SCEL: variants seen among roughly 807,000 people sequenced by gnomAD.
SCEL encodes sciellin.
Under a neutral mutation model 117.6 loss-of-function variants are expected in SCEL, and 113 were observed. That is an observed-to-expected ratio of 0.96 (90% CI 0.83 to 1.12). The LOEUF (loss-of-function observed/expected upper bound fraction) is 1.12. Among genes scored for constraint, SCEL ranks in the 50% most tolerant of loss-of-function variants. The pLI, the probability that SCEL is intolerant of heterozygous loss-of-function variation, is 0.00. For synonymous variants in SCEL, 270 were observed against 256.2 expected, an observed-to-expected ratio of 1.05 and a Z score of -0.51; for missense variants, 785 against 810.8, an observed-to-expected ratio of 0.97 and a Z score of 0.39.
chr13:77,643,630 A>T (rs1184344186), intron 32 of SCEL, among the ~76,000 whole-genome samples: 1 of 152,112 alleles, frequency 6.6e-6, no homozygotes, highest in Non-Finnish European at 1.5e-5. Flanking sequence ...TGGGACCCCT[A>T]CCTGGGATCC....
intron 2 of SCEL, 26 bp from the exon 3 acceptor site, chr13:77,556,570 C>T (rs772735226): frequency 1.5e-5 from 23 of 1,582,484 alleles, no homozygotes; most frequent in Middle Eastern, 3.3e-4. Flanking sequence ...ATTACATCTT[C>T]CAGTCTTTCA....
intron 30 of SCEL, among the ~76,000 whole-genome samples, chr13:77,638,487 A>G (rs1057444517): frequency 2.0e-5 from 3 of 152,210 alleles, no homozygotes; most frequent in Non-Finnish European, 2.9e-5. Flanking sequence ...TTGTATTTCT[A>G]TTATTAAGGG....
At chr13:77,638,070 G>A (rs1372251294) in intron 30 of SCEL, among the ~76,000 whole-genome samples, 2 of 152,194 alleles carry the variant, frequency 1.3e-5, no homozygotes, top group Non-Finnish European at 2.9e-5. Context: ...AGCAGGGGCT[G>A]GAGATATGAC....
At chr13:77,604,436 C>G in intron 19 of SCEL, 21 bp downstream of exon 19, 1 of 1,553,190 alleles carries the variant, frequency 6.4e-7, no homozygotes, top group Non-Finnish European at 8.7e-7. Flanking sequence ...TAAAGCTCCC[C>G]CCTCCCCTTT....
intron 30 of SCEL, among the ~76,000 whole-genome samples, chr13:77,637,628 C>A (rs1419269646): frequency 6.6e-6 from 1 of 152,088 alleles, no homozygotes; most frequent in African/African-American, 2.4e-5. Context: ...GCCTCCCAGG[C>A]CAGCCCCTCT....
chr13:77,640,623 A>C, intron 30 of SCEL, 53 bp from the exon 31 acceptor site: 2 of 851,466 alleles, frequency 2.3e-6, no homozygotes, highest in Non-Finnish European at 3.7e-6. Context: ...TAGGGAATAC[A>C]TCTGTCTTCT....
At chr13:77,578,745 T>C (rs2086099806) in intron 9 of SCEL, among the ~76,000 whole-genome samples, 1 of 152,116 alleles carries the variant, frequency 6.6e-6, no homozygotes, top group Non-Finnish European at 1.5e-5. Flanking sequence ...GAGTACCTAA[T>C]TGGTCTTAAG....
chr13:77,572,314 G>T lies in SCEL; in HGVS notation c.545+125G>T, dbSNP rs117215037. ...GGCAATCTCATGAACTCTCAGCTCT[G>T]TACAGGAGAGTGTCCAGTGGTTGTA... On this transcript the variant is annotated intron_variant, in intron 9 of 32. Coordinates refer to ENST00000349847, the MANE Select transcript of SCEL (RefSeq NM_144777.3). The T allele has an allele frequency of 5.2e-4, 369 of 708,844 alleles. 4 individuals carry two copies. The East Asian group carries it at 0.01, about 19-fold the overall frequency. The allele number at this position is 708,844 out of a possible 1,614,324, so 43.9% of individuals were successfully genotyped here.
chr13:77,642,806 T>C lies in SCEL; in HGVS notation c.2048T>C (p.Met683Thr), dbSNP rs1185527864. 1.9e-6 allele frequency: 3 copies of C among 1,556,742 alleles called. No homozygotes were observed. Among genetic ancestry groups the C allele is most frequent in the Middle Eastern group, 1.7e-4 (1 of 5,922 alleles). Reference protein sequence around the residue: ...IHCEPCYSKIMAKWIP With the variant: ...IHCEPCYSKITAKWIP ...TGTGAACCTTGCTACTCTAAAATTA[T>C]GGGTAAGTGTTACACTCTAAGCATT... Residue 683 changes from methionine to threonine, a missense_variant and splice_region_variant, in exon 32 of 33, where the codon ATG becomes ACG. Transcript: ENST00000349847.
Position 77,637,229 on chromosome 13 carries a change from C to T in SCEL, c.1838+35C>T, listed in dbSNP as rs1219292962. On this transcript the variant is annotated intron_variant, in intron 30 of 32. Transcript: ENST00000349847. ...TCTTTATTTCCATACATAAAAAGTA[C>T]ACACATACAGACACACACACACATA... 4 of 1,061,498 alleles carry T rather than the reference C, an allele frequency of 3.8e-6. 1 individual carries two copies. Among genetic ancestry groups the T allele is most frequent in the South Asian group, 2.9e-5 (2 of 67,804 alleles). The allele number at this position is 1,061,498 out of a possible 1,614,324, so 65.8% of individuals were successfully genotyped here.
At chr13:77,607,649 A>T (rs1368688702) in intron 19 of SCEL, among the ~76,000 whole-genome samples, 1 of 152,246 alleles carries the variant, frequency 6.6e-6, no homozygotes, top group Non-Finnish European at 1.5e-5. Context: ...AGCTGGTTTT[A>T]AAGTTCTACA....
chr13:77,589,471 G>A (rs1426202080), intron 10 of SCEL, among the ~76,000 whole-genome samples: 1 of 152,116 alleles, frequency 6.6e-6, no homozygotes, highest in Non-Finnish European at 1.5e-5. Flanking sequence ...CAATATTCAT[G>A]TTCAGAAAGT....
intron 11 of SCEL, among the ~76,000 whole-genome samples, chr13:77,593,295 T>TGTGTGCGCGC (rs796907419): frequency 0.024 from 3,292 of 136,814 alleles, 142 homozygotes; most frequent in African/African-American, 0.08. Flanking sequence ...TGTGTGTGTG[T>TGTGTGCGCGC]GTCTGTGTGT....
At chr13:77,629,378 A>AT (rs11391002) in intron 28 of SCEL, among the ~76,000 whole-genome samples, 58,332 of 151,084 alleles carry the variant, frequency 0.39, 11,997 homozygotes, top group East Asian at 0.74. Context: ...TGATAACCAA[A>AT]TTTTTTTTTG....
chr13:77,561,675 A>G (rs2084984658), intron 4 of SCEL, among the ~76,000 whole-genome samples: 1 of 152,252 alleles, frequency 6.6e-6, no homozygotes, highest in Admixed American at 6.5e-5. Context: ...GAAAATATCC[A>G]CAAATGAAAA....
At chr13:77,592,882 A>G (rs1021271469) in intron 11 of SCEL, among the ~76,000 whole-genome samples, 1 of 152,100 alleles carries the variant, frequency 6.6e-6, no homozygotes, top group Non-Finnish European at 1.5e-5. Flanking sequence ...CTTAATTACT[A>G]TAAGAATTTT....
Position 77,556,700 on chromosome 13 carries a change from C to A in SCEL, c.148C>A (p.Pro50Thr). 1 of 1,612,666 alleles carries A rather than the reference C, an allele frequency of 6.2e-7. No individual in the cohort carries two copies. The highest frequency in any genetic ancestry group is 8.5e-7 in the Non-Finnish European group (1 of 1,178,834). Reference protein sequence around the residue: ...LQDNSWIKKRPEEEKDENYGR... With the variant: ...LQDNSWIKKRTEEEKDENYGR... ...GGATAACAGTTGGATAAAGAAACGC[C>A]CTGAAGAAGAAAAGTAAGCTGGTGT... The change falls in exon 3 of 33, where the codon CCT (proline) becomes ACT (threonine). Residue 50 changes from proline to threonine, a missense_variant. Pro to Thr is a conservative substitution (Grantham distance 38, BLOSUM62 -1). Coordinates refer to ENST00000349847, the MANE Select transcript of SCEL (RefSeq NM_144777.3).
At chr13:77,540,286 T>C (rs1480583966) in intron 1 of SCEL, among the ~76,000 whole-genome samples, 2 of 152,200 alleles carry the variant, frequency 1.3e-5, no homozygotes, top group Non-Finnish European at 2.9e-5. Flanking sequence ...GAAAATCAGC[T>C]GTGGAGAAGA....
chr13:77,638,167 T>G (rs2090393850), intron 30 of SCEL, among the ~76,000 whole-genome samples: 1 of 152,206 alleles, frequency 6.6e-6, no homozygotes, highest in Admixed American at 6.5e-5. Context: ...CAGTAAATTT[T>G]TTTTAAAAAA....
Sources: gnomAD v4.1 joint callset for allele counts (sites outside exome capture counted in the v4.1 genomes callset) on GRCh38, gnomAD v4.1.1 for gene constraint, MANE v1.5 for transcripts, NCBI Gene and HGNC (gene_info 2026-07-23, HGNC 2026-07-21) for gene names.